NCAM1: variants seen among roughly 807,000 people sequenced by gnomAD.
NCAM1 encodes neural cell adhesion molecule 1.
A neutral mutation model predicts 109.8 loss-of-function variants in NCAM1; 14 were observed. The ratio of observed to expected loss-of-function variants is 0.13; its 90% CI spans 0.08 to 0.20. NCAM1 has a LOEUF of 0.20. Ranked by LOEUF, NCAM1 falls within the 10% of genes least tolerant of loss-of-function variation. NCAM1 has a pLI of 1.00. For synonymous variants in NCAM1, 418 were observed against 442.9 expected (o/e 0.94, Z 0.70); for missense variants, 774 against 1,109.9 (o/e 0.70, Z 4.30).
rs1946417524 is a variant in NCAM1, at chr11:113,277,374, C to CCAGAA, written c.*1990_*1994dup. 2.5e-6 allele frequency: 1 copy of CCAGAA among 398,944 alleles called. No individual in the cohort carries two copies. Among genetic ancestry groups the CCAGAA allele is most frequent in the Non-Finnish European group, 4.4e-6 (1 of 226,134 alleles). 24.7% of individuals were successfully genotyped at this position (398,944 alleles called of 1,614,324 possible). A position where few individuals can be genotyped will look rare whatever the true frequency, so the allele number is the denominator to read the frequency against. On this transcript the variant is annotated 3_prime_UTR_variant, in exon 20 of 20. Transcript: ENST00000316851. The stretch of plus-strand genomic sequence containing the variant: ...CTCCTGGGGATGGAAATGGAGGATC[C>CCAGAA]CAGAACACACAGCCCTGGCCCCTTT...
intron 1 of NCAM1, among the ~76,000 whole-genome samples, chr11:113,010,218 G>T (rs1555074132): frequency 1.3e-5 from 2 of 152,142 alleles, no homozygotes; most frequent in Non-Finnish European, 2.9e-5. Flanking sequence ...GCTAATTGCA[G>T]ACCCTTTTTA....
At chr11:113,016,885 C>A (rs185260106) in intron 1 of NCAM1, among the ~76,000 whole-genome samples, 57 of 152,248 alleles carry the variant, frequency 3.7e-4, no homozygotes, top group Admixed American at 2.0e-3. Flanking sequence ...CTGCATGCAC[C>A]GGCAAAACAT....
At chr11:113,129,173 GT>G (rs1193983833) in intron 1 of NCAM1, among the ~76,000 whole-genome samples, 1 of 152,106 alleles carries the variant, frequency 6.6e-6, no homozygotes, top group Non-Finnish European at 1.5e-5. Flanking sequence ...TTGGAGAAGT[GT>G]AGGGCCAAGT....
At chr11:113,236,693 G>C (rs182471460) in intron 14 of NCAM1, among the ~76,000 whole-genome samples, 482 of 152,320 alleles carry the variant, frequency 3.2e-3, no homozygotes, top group Non-Finnish European at 4.3e-3. Flanking sequence ...AGGATGCCGG[G>C]AAAGTGACCA....
chr11:113,013,505 G>A (rs1952128304), intron 1 of NCAM1, among the ~76,000 whole-genome samples: 1 of 151,318 alleles, frequency 6.6e-6, no homozygotes, highest in Non-Finnish European at 1.5e-5. Flanking sequence ...TTTTTCCTCT[G>A]AACATTGTTA....
In NCAM1 at chr11:112,961,532, A is replaced by G; in HGVS notation, c.-81A>G. On this transcript the variant is annotated 5_prime_UTR_variant, in exon 1 of 20. Coordinates refer to ENST00000316851, the MANE Select transcript of NCAM1 (RefSeq NM_181351.5). ...TTGTCTGCCCCTAGGTCTGTCGCTC[A>G]GCCGCCGTCCACACTCGCTGCAGGG... 5 of 918,876 alleles carry G rather than the reference A, an allele frequency of 5.4e-6. No homozygotes were observed. The highest frequency in any genetic ancestry group is 9.2e-6 in the Non-Finnish European group (5 of 546,430). 56.9% of individuals were successfully genotyped at this position (918,876 alleles called of 1,614,324 possible).
chr11:113,078,610 T>C (rs548663551), intron 1 of NCAM1, among the ~76,000 whole-genome samples: 16 of 152,266 alleles, frequency 1.1e-4, no homozygotes, highest in African/African-American at 3.9e-4. Flanking sequence ...TAAAGGTGTC[T>C]CATATTTCCC....
chr11:112,997,171 G>A (rs1004501515), intron 1 of NCAM1, among the ~76,000 whole-genome samples: 1 of 149,556 alleles, frequency 6.7e-6, no homozygotes, highest in Admixed American at 6.7e-5. Flanking sequence ...AGGAAAGAAG[G>A]ATACTTACTG....
intron 1 of NCAM1, among the ~76,000 whole-genome samples, chr11:113,015,418 C>A (rs1003635529): frequency 6.6e-6 from 1 of 152,134 alleles, no homozygotes; most frequent in East Asian, 1.9e-4. Context: ...CCCTCTGATG[C>A]CATTTTATGA....
At chr11:113,175,881 A>G (rs187253046) in intron 1 of NCAM1, among the ~76,000 whole-genome samples, 677 of 152,362 alleles carry the variant, frequency 4.4e-3, no homozygotes, top group Non-Finnish European at 7.5e-3. Context: ...ATTAAATGGA[A>G]GCAAGAAGTT....
chr11:113,028,855 A>G (rs1230146622), intron 1 of NCAM1, among the ~76,000 whole-genome samples: 2 of 152,168 alleles, frequency 1.3e-5, no homozygotes, highest in East Asian at 3.8e-4. Context: ...TCTCAGCAGC[A>G]TGTCTAGTTT....
intron 1 of NCAM1, among the ~76,000 whole-genome samples, chr11:113,128,906 GGTGTGTGTGTGTGTGTGTGT>G (rs782123739): frequency 8.2e-5 from 7 of 84,930 alleles, no homozygotes; most frequent in Admixed American, 6.1e-4. Context: ...AAGTTGTGAG[GGTGTGTGTGTGTGTGTGTGT>G]GTGTGTGTGT....
At chr11:112,993,713 G>A (rs1951522873) in intron 1 of NCAM1, among the ~76,000 whole-genome samples, 1 of 152,116 alleles carries the variant, frequency 6.6e-6, no homozygotes, top group Non-Finnish European at 1.5e-5. Context: ...TTAAAAAGTT[G>A]AAAACTGTAC....
chr11:113,190,178 G>C (rs1943635153), intron 1 of NCAM1, among the ~76,000 whole-genome samples: 1 of 152,322 alleles, frequency 6.6e-6, no homozygotes, highest in African/African-American at 2.4e-5. Flanking sequence ...GGCCCTTGCT[G>C]TTCTTAGACA....
intron 1 of NCAM1, among the ~76,000 whole-genome samples, chr11:113,134,915 G>C (rs1941543502): frequency 6.6e-6 from 1 of 152,112 alleles, no homozygotes; most frequent in Non-Finnish European, 1.5e-5. Context: ...CTATGATCCT[G>C]AGTAGCAGAC....
At chr11:113,230,173 G>A (rs782154137) in intron 9 of NCAM1, among the ~76,000 whole-genome samples, 5 of 152,102 alleles carry the variant, frequency 3.3e-5, no homozygotes, top group Admixed American at 2.6e-4. Context: ...CAAACTGGGT[G>A]TCACAAGGCT....
intron 1 of NCAM1, among the ~76,000 whole-genome samples, chr11:113,112,643 G>C (rs1040815186): frequency 6.6e-6 from 1 of 152,176 alleles, no homozygotes; most frequent in African/African-American, 2.4e-5. Flanking sequence ...TGTAGAGAAA[G>C]ATCTCTCCAC....
intron 1 of NCAM1, among the ~76,000 whole-genome samples, chr11:113,102,506 T>A (rs1487921908): frequency 6.6e-6 from 1 of 152,206 alleles, no homozygotes; most frequent in Non-Finnish European, 1.5e-5. Context: ...GCATGGAGGC[T>A]ATGGAGGTGA....
intron 14 of NCAM1, among the ~76,000 whole-genome samples, chr11:113,245,094 T>A (rs1009327837): frequency 3.9e-4 from 60 of 152,284 alleles, no homozygotes; most frequent in Non-Finnish European, 6.3e-4. Flanking sequence ...AAAAGTGTTT[T>A]TTTTTTTTCA....
Sources: allele counts gnomAD v4.1 joint callset (sites outside exome capture counted in the v4.1 genomes callset), GRCh38; gene constraint gnomAD v4.1.1; transcripts MANE v1.5; gene names NCBI Gene and HGNC (gene_info 2026-07-23, HGNC 2026-07-21).